Variants in LRRK1 observed in about 807,000 individuals in gnomAD.
The protein encoded by LRRK1 is leucine-rich repeat serine/threonine-protein kinase 1.
A neutral mutation model predicts 209.1 loss-of-function variants in LRRK1; 113 were observed. The observed-to-expected ratio is 0.54, with a 90% CI of 0.46 to 0.63. The LOEUF (loss-of-function observed/expected upper bound fraction) is 0.63, where lower values mean the gene tolerates loss of function less well. LRRK1 is among the 30% of genes least tolerant of loss of function. The pLI, the probability that LRRK1 is intolerant of heterozygous loss-of-function variation, is 0.00. For synonymous variants in LRRK1, 1,144 were observed against 1,099.7 expected (o/e 1.04, Z -0.80); for missense variants, 2,284 against 2,632.2 (o/e 0.87, Z 2.89).
intron 3 of LRRK1, among the ~76,000 whole-genome samples, chr15:100,974,513 C>T (rs735870): frequency 0.44 from 67,068 of 151,932 alleles, 15,377 homozygotes; most frequent in African/African-American, 0.57. Flanking sequence ...ACTTTTATAA[C>T]ATTATTTTAA....
chr15:101,049,415 TC>T (rs898470838), intron 22 of LRRK1: 3 of 476,956 alleles, frequency 6.3e-6, no homozygotes, highest in African/African-American at 2.0e-5. Flanking sequence ...AGGCTGAGCG[TC>T]CCTGACTGCA....
Position 100,922,075 on chromosome 15 carries a change from C to A in LRRK1, c.-122-2436C>A, listed in dbSNP as rs572002380. 2.0e-5 allele frequency among the ~76,000 whole-genome samples: 3 copies of A among 152,228 alleles called. No individual in the cohort carries two copies. In the South Asian group the frequency reaches 6.2e-4, roughly 32 times the overall value. On this transcript the variant is annotated intron_variant, in intron 1 of 33. Transcript: ENST00000388948. Reference sequence around the variant, plus strand: ...CATTAATGCAGGTATAAATAGTTGGCAAAAGGAAATTGATGAGGTTTTGAA... The same window carrying A: ...CATTAATGCAGGTATAAATAGTTGGAAAAAGGAAATTGATGAGGTTTTGAA...
chr15:100,988,557 G>C, intron 4 of LRRK1, 77 bp from the exon 5 acceptor site: 1 of 1,365,490 alleles, frequency 7.3e-7, no homozygotes, highest in Non-Finnish European at 1.0e-6. Flanking sequence ...GCTACTAGCG[G>C]TCTAAGGGAA....
intron 3 of LRRK1, among the ~76,000 whole-genome samples, chr15:100,976,330 G>GA (rs1255795555): frequency 6.6e-6 from 1 of 152,170 alleles, no homozygotes; most frequent in East Asian, 1.9e-4. Context: ...GAGTAGGTGA[G>GA]AACAGTACCT....
intron 6 of LRRK1, among the ~76,000 whole-genome samples, chr15:101,000,466 A>C (rs2032630010): frequency 6.6e-6 from 1 of 152,182 alleles, no homozygotes; most frequent in Non-Finnish European, 1.5e-5. Context: ...GCTGTAACAA[A>C]GCACCCAAAA....
At chr15:100,950,916 A>G (rs1036179804) in intron 2 of LRRK1, among the ~76,000 whole-genome samples, 3 of 152,174 alleles carry the variant, frequency 2.0e-5, no homozygotes, top group African/African-American at 4.8e-5. Flanking sequence ...ATCCTGGCTA[A>G]CACGGTGAAA....
intron 6 of LRRK1, among the ~76,000 whole-genome samples, chr15:101,006,177 G>A (rs2032941547): frequency 2.0e-5 from 3 of 152,190 alleles, no homozygotes; most frequent in Admixed American, 6.5e-5. Flanking sequence ...GGTGCCCCGG[G>A]TGGGGTTTAG....
chr15:101,037,900 C>T (rs918703714), intron 20 of LRRK1, among the ~76,000 whole-genome samples: 3 of 152,152 alleles, frequency 2.0e-5, no homozygotes, highest in East Asian at 1.9e-4. Context: ...AGTCATTATA[C>T]AAAAAAGATA....
At position 100,924,595 on chromosome 15, in the gene LRRK1, C is replaced by A; in HGVS notation, c.-38C>A. ...CCAGCGGCAGTGGCAGTGACAACAG[C>A]GGGACCTGCCTTTGAAGATCGGCTG... On this transcript the variant is annotated 5_prime_UTR_variant, in exon 2 of 34. Transcript: ENST00000388948. 6.3e-7 allele frequency: 1 copy of A among 1,589,992 alleles called. No homozygotes were observed. Among genetic ancestry groups the A allele is most frequent in the Non-Finnish European group, 8.6e-7 (1 of 1,158,798 alleles).
intron 19 of LRRK1, among the ~76,000 whole-genome samples, chr15:101,028,738 G>A (rs1222809360): frequency 6.6e-6 from 1 of 152,248 alleles, no homozygotes; most frequent in Admixed American, 6.5e-5. Flanking sequence ...TAGTTACCCA[G>A]GCGGCCATCA....
chr15:100,932,903 C>G (rs1487463152), intron 2 of LRRK1, among the ~76,000 whole-genome samples: 2 of 152,198 alleles, frequency 1.3e-5, no homozygotes, highest in East Asian at 3.8e-4. Context: ...ACATTTGTGA[C>G]TTTAAATGAC....
At chr15:101,021,274 GC>G (rs1479178116) in intron 13 of LRRK1, 92 bp downstream of exon 13, 1 of 1,373,522 alleles carries the variant, frequency 7.3e-7, no homozygotes, top group South Asian at 1.3e-5. Context: ...AGAAAGCCAG[GC>G]AGAAAGAAGC....
Position 100,987,002 on chromosome 15 carries a change from C to T in LRRK1, c.434-1632C>T, listed in dbSNP as rs190372617. 3.4e-4 allele frequency among the ~76,000 whole-genome samples: 52 copies of T among 152,350 alleles called. No homozygotes were observed. In the East Asian group the frequency reaches 6.0e-3, roughly 17 times the overall value. ...CCTCCAAAGACTGACACATCCCCAT[C>T]TCAACAGAAGTTACTAGCATGGTTA... On this transcript the variant is annotated intron_variant, in intron 4 of 33. Transcript: ENST00000388948.
At chr15:100,950,552 A>G (rs1176147016) in intron 2 of LRRK1, among the ~76,000 whole-genome samples, 1 of 152,234 alleles carries the variant, frequency 6.6e-6, no homozygotes, top group Non-Finnish European at 1.5e-5. Flanking sequence ...AAAAGAAAAC[A>G]GGATTAAATC....
In LRRK1 at chr15:101,066,112, A is replaced by C; in HGVS notation, c.5675A>C (p.Glu1892Ala). 1 of 1,614,084 alleles carries C rather than the reference A, an allele frequency of 6.2e-7. No individual in the cohort carries two copies. The highest frequency in any genetic ancestry group is 1.7e-5 in the Admixed American group (1 of 60,024). ...CCCGGTGCTGCCTCCGACAGGTCTG[A>C]GCATGACCTGACCCCCATGGACGGG... Reference protein sequence around the residue: ...HTPGAASDRSEHDLTPMDGET... With the variant: ...HTPGAASDRSAHDLTPMDGET... The change falls in exon 32 of 34, where the codon GAG (glutamate) becomes GCG (alanine). Residue 1892 changes from glutamate (E) to alanine (A), a missense_variant. Glu to Ala is a moderately radical substitution (Grantham distance 107). Transcript: ENST00000388948.
intron 22 of LRRK1, among the ~76,000 whole-genome samples, chr15:101,049,131 C>T (rs181277795): frequency 2.9e-4 from 44 of 152,220 alleles, no homozygotes; most frequent in Admixed American, 2.7e-3. Context: ...TTTTTGAGAG[C>T]GGTAGACCTA....
At chr15:100,988,489 T>A in intron 4 of LRRK1, 145 bp from the exon 5 acceptor site, 1 of 754,594 alleles carries the variant, frequency 1.3e-6, no homozygotes, top group East Asian at 2.5e-5. Context: ...CATTCTTTTT[T>A]ATGGCTGTAT....
chr15:101,011,215 TC>T (rs1468775034), intron 9 of LRRK1, among the ~76,000 whole-genome samples: 2 of 151,604 alleles, frequency 1.3e-5, no homozygotes, highest in African/African-American at 4.9e-5. Flanking sequence ...ATGCCTGTAA[TC>T]CCAGCACTTT....
intron 2 of LRRK1, among the ~76,000 whole-genome samples, chr15:100,945,295 C>G (rs1409848075): frequency 6.6e-6 from 1 of 152,150 alleles, no homozygotes; most frequent in Admixed American, 6.5e-5. Flanking sequence ...GTGTGCGTGT[C>G]TGTTTCCCAG....
Sources: allele counts gnomAD v4.1 joint callset (sites outside exome capture counted in the v4.1 genomes callset), GRCh38; gene constraint gnomAD v4.1.1; transcripts MANE v1.5; gene names NCBI Gene and HGNC (gene_info 2026-07-23, HGNC 2026-07-21).